Variants in RASGRF1 observed in about 807,000 individuals in gnomAD.
RASGRF1 encodes ras-specific guanine nucleotide-releasing factor 1.
In RASGRF1, 40 loss-of-function variants were observed where a neutral mutation model predicts 138.7. The observed-to-expected ratio is 0.29, with a 90% confidence interval of 0.22 to 0.38. RASGRF1 has a LOEUF of 0.38. Among genes scored for constraint, RASGRF1 ranks in the 10% least tolerant of loss-of-function variants. The probability of loss-of-function intolerance (pLI) is 1.00; values close to 1 mark genes in which losing one functional copy is unlikely to be tolerated. For missense variants in RASGRF1, 1,108 were observed against 1,650.4 expected (o/e 0.67, Z 5.69); for synonymous variants, 614 against 663.2 (o/e 0.93, Z 1.14).
chr15:78,980,533 T>C, intron 24 of RASGRF1, 87 bp downstream of exon 24: 1 of 1,072,708 alleles, frequency 9.3e-7, no homozygotes, highest in South Asian at 1.5e-5. Flanking sequence ...AAAGACCTCC[T>C]GCTCTGGCTG....
In RASGRF1 at chr15:79,027,885, C is replaced by G. The variant is rs1415461662; in HGVS notation, c.1263-26G>C. The G allele has an allele frequency of 6.2e-7, 1 of 1,609,422 alleles. No individual in the cohort carries two copies. Among genetic ancestry groups the G allele is most frequent in the Admixed American group, 1.7e-5 (1 of 60,012 alleles). ...CTGTGGGGATGGGAAACTGCACAGT[C>G]AGAGACAGGCTGCCCCTACTTCCCA... On this transcript the variant is annotated intron_variant, in intron 8 of 26. Transcript: ENST00000558480. The surrounding 1 kb of genome is among the most constrained non-coding windows in gnomAD (Gnocchi z 4.8).
In RASGRF1 at chr15:79,086,583, C is replaced by CG. The variant is rs1439337018; in HGVS notation, c.276+3639_276+3640insC. ...AGACAACAGGTTCTAAGACCCCCCCCCCCCAGCTTCTGGGACCTCCAACAA... is the reference window on the plus strand; with the variant it reads ...AGACAACAGGTTCTAAGACCCCCCCCGCCCCAGCTTCTGGGACCTCCAACAA... On this transcript the variant is annotated intron_variant, in intron 1 of 26. Transcript: ENST00000558480. Among the ~76,000 whole-genome samples the CG allele has an allele frequency of 4.0e-5, 6 of 151,852 alleles. No homozygotes were observed. In the East Asian group the frequency reaches 1.2e-3, roughly 29 times the overall value.
At chr15:79,028,442 C>T (rs2057091423) in intron 8 of RASGRF1, among the ~76,000 whole-genome samples, 1 of 152,172 alleles carries the variant, frequency 6.6e-6, no homozygotes, top group Non-Finnish European at 1.5e-5. Context: ...CAGGGGATGA[C>T]TGACCTTAGC....
chr15:79,014,073 A>T (rs115336482), intron 13 of RASGRF1, among the ~76,000 whole-genome samples: 1,728 of 152,314 alleles, frequency 0.011, 40 homozygotes, highest in African/African-American at 0.035. Flanking sequence ...TAATAAAAAA[A>T]ATTTTTAAAA....
chr15:78,966,214 T>C (rs527397830), intron 26 of RASGRF1, among the ~76,000 whole-genome samples: 3 of 147,500 alleles, frequency 2.0e-5, no homozygotes, highest in East Asian at 4.0e-4. Context: ...TACCAGACCA[T>C]GAGGACTTAA....
At chr15:79,000,016 AGGCTGTGTCTTCAGGG>A in intron 16 of RASGRF1, 103 bp from the exon 17 acceptor site, 1 of 1,267,334 alleles carries the variant, frequency 7.9e-7, no homozygotes, top group Non-Finnish European at 1.1e-6. Flanking sequence ...AAGAGCCAGC[AGGCTGTGTCTTCAGGG>A]TACCAGGGCA....
chr15:78,988,507 GGCCTA>G (rs1222259216), intron 22 of RASGRF1, among the ~76,000 whole-genome samples: 4 of 152,210 alleles, frequency 2.6e-5, no homozygotes, highest in Non-Finnish European at 4.4e-5. Flanking sequence ...TGGGTGCCCA[GGCCTA>G]GGAGGCCCCA....
chr15:78,984,968 A>C, intron 23 of RASGRF1, 39 bp downstream of exon 23: 1 of 1,594,612 alleles, frequency 6.3e-7, no homozygotes, highest in South Asian at 1.1e-5. Flanking sequence ...GCCCCAATCC[A>C]GCCCCAGGGA....
chr15:79,003,817 C>G lies in RASGRF1; in HGVS notation c.2434G>C (p.Ala812Pro), dbSNP rs200067249. 4 of 1,603,574 alleles carry G rather than the reference C, an allele frequency of 2.5e-6. No homozygotes were observed. The highest frequency in any genetic ancestry group is 3.4e-6 in the Non-Finnish European group (4 of 1,174,730). Residue 812 changes from alanine to proline, a missense_variant, in exon 15 of 27, where the codon GCG (alanine) becomes CCG (proline). Ala to Pro is a conservative substitution (Grantham distance 27). Transcript: ENST00000558480. ...TTPEKPEDPS[A>P]LSKQSSEVSM... is the part of the protein sequence containing the mutation. ...GGCCACTCACTCTGCTTGCTGAGCG[C>G]TGAAGGGTCTTCGGGCTTCTCAGGG...
intron 13 of RASGRF1, among the ~76,000 whole-genome samples, chr15:79,007,053 T>C (rs1473514259): frequency 2.6e-5 from 4 of 152,204 alleles, no homozygotes; most frequent in African/African-American, 9.7e-5. Flanking sequence ...GCAGCATTAT[T>C]TGTAATAGCC....
chr15:79,034,646 T>G (rs2057192669), intron 6 of RASGRF1, among the ~76,000 whole-genome samples: 1 of 151,698 alleles, frequency 6.6e-6, no homozygotes, highest in South Asian at 2.1e-4. Context: ...GCTTTTGGCA[T>G]GAGAAAATGC....
chr15:78,966,234 T>A (rs2055642002), intron 26 of RASGRF1, among the ~76,000 whole-genome samples: 1 of 149,882 alleles, frequency 6.7e-6, no homozygotes, highest in Non-Finnish European at 1.5e-5. Flanking sequence ...AATTTTTTTT[T>A]TTTTTTTTTT....
chr15:78,998,675 C>G (rs191214395), intron 18 of RASGRF1, 44 bp downstream of exon 18: 1 of 1,510,740 alleles, frequency 6.6e-7, no homozygotes, highest in Non-Finnish European at 9.2e-7. Context: ...GGGGCCATTG[C>G]CTGGTGGTCC....
intron 26 of RASGRF1, among the ~76,000 whole-genome samples, chr15:78,963,105 C>T (rs926781018): frequency 5.9e-5 from 9 of 152,176 alleles, no homozygotes; most frequent in African/African-American, 2.2e-4. Flanking sequence ...CTTCTCCTCT[C>T]TCCCCACCCC....
chr15:78,985,714 A>G (rs2056139232), intron 22 of RASGRF1: 1 of 154,350 alleles, frequency 6.5e-6, no homozygotes, highest in Non-Finnish European at 1.4e-5. Flanking sequence ...TCAGGAGTTC[A>G]AGACCAGCCT....
intron 1 of RASGRF1, among the ~76,000 whole-genome samples, chr15:79,075,181 TG>T (rs2057816361): frequency 6.6e-6 from 1 of 152,176 alleles, no homozygotes; most frequent in East Asian, 1.9e-4. Flanking sequence ...GACTTTTGCC[TG>T]GGGCTTCAGT....
chr15:78,994,438 A>G (rs2056346962), intron 20 of RASGRF1, among the ~76,000 whole-genome samples: 1 of 152,218 alleles, frequency 6.6e-6, no homozygotes, highest in Non-Finnish European at 1.5e-5. Flanking sequence ...CACGCTGGCT[A>G]CTTCCAACAG....
intron 1 of RASGRF1, among the ~76,000 whole-genome samples, chr15:79,085,169 G>A (rs757524476): frequency 2.0e-5 from 3 of 152,164 alleles, no homozygotes; most frequent in African/African-American, 4.8e-5. Context: ...GTAAATGCAC[G>A]TGATGACAGA....
intron 26 of RASGRF1, among the ~76,000 whole-genome samples, chr15:78,970,707 C>G (rs778530484): frequency 6.7e-6 from 1 of 150,310 alleles, no homozygotes; most frequent in Non-Finnish European, 1.5e-5. Flanking sequence ...GTTAGCAAAT[C>G]TGTTATTTTA....
Sources: allele counts gnomAD v4.1 joint callset (sites outside exome capture counted in the v4.1 genomes callset), GRCh38; gene constraint gnomAD v4.1.1; non-coding constraint Gnocchi (gnomAD v3.1); transcripts MANE v1.5; gene names NCBI Gene and HGNC (gene_info 2026-07-23, HGNC 2026-07-21).